The following ERC1 variants were observed in gnomAD, a reference collection of about 807,000 sequenced individuals.
The protein encoded by ERC1 is ELKS/RAB6-interacting/CAST family member 1.
A neutral mutation model predicts 132.0 loss-of-function variants in ERC1; 56 were observed. The observed-to-expected ratio is 0.42, with a 90% CI of 0.34 to 0.53. The LOEUF (loss-of-function observed/expected upper bound fraction) is 0.53. Among genes scored for constraint, ERC1 ranks in the 20% least tolerant of loss-of-function variants. The pLI is 0.03. For synonymous variants in ERC1, 478 were observed against 476.1 expected (o/e 1.00, Z -0.05); for missense variants, 1,202 against 1,349.9 (o/e 0.89, Z 1.72).
chr12:1,187,191 T>G (rs1332388295), intron 11 of ERC1, among the ~76,000 whole-genome samples: 1 of 152,150 alleles, frequency 6.6e-6, no homozygotes, highest in Non-Finnish European at 1.5e-5. Flanking sequence ...ATGCCTTTTT[T>G]TGAGTTTGTA....
intron 8 of ERC1, among the ~76,000 whole-genome samples, chr12:1,156,088 A>G (rs1209567743): frequency 2.6e-5 from 4 of 152,192 alleles, no homozygotes; most frequent in African/African-American, 9.6e-5. Flanking sequence ...TTAATTTAAA[A>G]ATAAACATTT....
At chr12:1,408,111 T>G in intron 16 of ERC1, 38 bp from the exon 17 acceptor site, 1 of 1,464,680 alleles carries the variant, frequency 6.8e-7, no homozygotes, top group South Asian at 1.1e-5. Flanking sequence ...TCATAGAAAC[T>G]TTACTTAAAT....
intron 12 of ERC1, among the ~76,000 whole-genome samples, chr12:1,208,233 C>T (rs1259858204): frequency 1.3e-5 from 2 of 152,166 alleles, no homozygotes; most frequent in Non-Finnish European, 2.9e-5. Flanking sequence ...CTTTCCTTTC[C>T]TCTGTATCAA....
intron 15 of ERC1, among the ~76,000 whole-genome samples, chr12:1,325,773 T>C (rs1266989137): frequency 6.6e-6 from 1 of 152,174 alleles, no homozygotes; most frequent in African/African-American, 2.4e-5. Flanking sequence ...TTTTGACTCA[T>C]TTCTTTCATG....
At chr12:1,293,814 T>G (rs1226825275) in intron 15 of ERC1, among the ~76,000 whole-genome samples, 1 of 152,222 alleles carries the variant, frequency 6.6e-6, no homozygotes, top group Non-Finnish European at 1.5e-5. Context: ...ATGTTTACTC[T>G]TCACAAAGCC....
intron 18 of ERC1, among the ~76,000 whole-genome samples, chr12:1,461,064 CT>C (rs2093636538): frequency 7.2e-6 from 1 of 139,464 alleles, no homozygotes; most frequent in Non-Finnish European, 1.5e-5. Context: ...TAGGGAACAG[CT>C]GTCTGACTAT....
chr12:1,027,690 C>T (rs560687566), intron 1 of ERC1, 58 bp from the exon 2 acceptor site: 1 of 542,972 alleles, frequency 1.8e-6, no homozygotes. Flanking sequence ...AATGGAAAGT[C>T]TCTGAGAAGG....
intron 3 of ERC1, among the ~76,000 whole-genome samples, chr12:1,095,847 G>T (rs187289249): frequency 1.3e-5 from 2 of 152,030 alleles, no homozygotes; most frequent in Non-Finnish European, 2.9e-5. Flanking sequence ...TGAGCAATGG[G>T]TTTTAAAACG....
At chr12:1,035,680 T>A (rs1482587086) in intron 2 of ERC1, among the ~76,000 whole-genome samples, 1 of 152,104 alleles carries the variant, frequency 6.6e-6, no homozygotes, top group Non-Finnish European at 1.5e-5. Context: ...CCCAGCACTT[T>A]GGGAGGCTGA....
intron 18 of ERC1, among the ~76,000 whole-genome samples, chr12:1,459,830 C>T (rs552335788): frequency 4.6e-5 from 7 of 152,334 alleles, no homozygotes; most frequent in African/African-American, 9.6e-5. Flanking sequence ...CAATGTGTGC[C>T]TCTTCATCAT....
At chr12:1,426,062 TTTTGCA>T (rs1194676693) in intron 17 of ERC1, among the ~76,000 whole-genome samples, 2 of 152,192 alleles carry the variant, frequency 1.3e-5, no homozygotes, top group African/African-American at 4.8e-5. Context: ...TCTATATAGC[TTTTGCA>T]TAGTATCTGA....
chr12:1,400,092 A>G (rs1004737794), intron 16 of ERC1, among the ~76,000 whole-genome samples: 1 of 152,176 alleles, frequency 6.6e-6, no homozygotes, highest in African/African-American at 2.4e-5. Context: ...GTGGTATCTC[A>G]TTATGGGGTT....
In ERC1 at chr12:1,211,669, T is replaced by G. The variant is rs182818805; in HGVS notation, c.2351+21617T>G. On this transcript the variant is annotated intron_variant, in intron 12 of 18. Coordinates refer to ENST00000360905, the MANE Select transcript of ERC1 (RefSeq NM_178040.4). ...CTGCCTCCAGGGTTCAAGTGATTCT[T>G]TTGCCTCAGCCTCTCTAGTAGCTGG... 1.6e-3 allele frequency among the ~76,000 whole-genome samples: 236 copies of G among 151,704 alleles called. 1 individual carries two copies. Among genetic ancestry groups the G allele is most frequent in the Admixed American group, 4.6e-3 (70 of 15,256 alleles).
intron 2 of ERC1, among the ~76,000 whole-genome samples, chr12:1,039,620 C>T (rs539647413): frequency 1.3e-5 from 2 of 152,002 alleles, no homozygotes; most frequent in African/African-American, 4.8e-5. Flanking sequence ...GAACTCTTTT[C>T]CCTACGATTA....
In ERC1 at chr12:1,491,901, C is replaced by G. The variant is rs2154435294; in HGVS notation, c.*1671C>G. On this transcript the variant is annotated 3_prime_UTR_variant, in exon 19 of 19. Coordinates refer to ENST00000360905, the MANE Select transcript of ERC1 (RefSeq NM_178040.4). ...GACCACCTCTACCACCAGAACCCAG[C>G]AGACACTCACATCTCCTGATAAGAG... 4.3e-6 allele frequency: 1 copy of G among 232,592 alleles called. No homozygotes were observed. The highest frequency in any genetic ancestry group is 6.1e-5 in the East Asian group (1 of 16,524). 14.4% of individuals were successfully genotyped at this position (232,592 alleles called of 1,614,324 possible). A position where few individuals can be genotyped will look rare whatever the true frequency, so the allele number is the denominator to read the frequency against.
At chr12:1,064,399 T>G (rs531179102) in intron 2 of ERC1, among the ~76,000 whole-genome samples, 1 of 152,122 alleles carries the variant, frequency 6.6e-6, no homozygotes, top group South Asian at 2.1e-4. Flanking sequence ...TTACTGTGAT[T>G]ATTATTATTT....
At chr12:1,404,431 A>G (rs1187034028) in intron 16 of ERC1, among the ~76,000 whole-genome samples, 2 of 151,944 alleles carry the variant, frequency 1.3e-5, no homozygotes, top group Non-Finnish European at 2.9e-5. Context: ...GATAATGGAG[A>G]TAACAGTTCT....
chr12:1,028,713 C>T (rs980284362), intron 2 of ERC1, 141 bp downstream of exon 2: 1 of 758,056 alleles, frequency 1.3e-6, no homozygotes, highest in African/African-American at 1.8e-5. Flanking sequence ...TTTGTGTCCT[C>T]CATTTCTCAG....
At chr12:1,261,581 G>A (rs187192520) in intron 13 of ERC1, among the ~76,000 whole-genome samples, 17 of 152,236 alleles carry the variant, frequency 1.1e-4, no homozygotes, top group African/African-American at 1.7e-4. Flanking sequence ...TGCGCGCGGC[G>A]TCCCTTTAAA....
Sources: allele counts gnomAD v4.1 joint callset (sites outside exome capture counted in the v4.1 genomes callset), GRCh38; gene constraint gnomAD v4.1.1; transcripts MANE v1.5; gene names NCBI Gene and HGNC (gene_info 2026-07-23, HGNC 2026-07-21).